AFF3: variants seen among roughly 807,000 people sequenced by gnomAD.
AFF3 encodes the protein ALF transcription elongation factor 3.
AFF3 carries 32 observed loss-of-function variants against 129.7 expected under a neutral mutation model. That is an observed-to-expected ratio of 0.25 (90% confidence interval 0.19 to 0.33). AFF3 has a LOEUF of 0.33. Ranked by LOEUF, AFF3 falls within the 10% of genes least tolerant of loss-of-function variation. AFF3 has a pLI of 1.00. For synonymous variants in AFF3, 644 were observed against 635.4 expected (o/e 1.01, Z -0.20); for missense variants, 1,373 against 1,592.0 (o/e 0.86, Z 2.34).
Position 99,587,156 on chromosome 2 carries a change from G to A in AFF3, c.2589C>T (p.Asn863=), listed in dbSNP as rs753958589. ...LSANHCNMNI[N]SVAIPINKNE... ...CACTTTGGAGGGAATGCACGTACCT[G>A]TTGATGTTCATGTTGCAGTGGTTTG... The change falls in exon 16 of 25, where the codon AAC becomes AAT. Residue 863 remains asparagine (N), a splice_region_variant and synonymous_variant. Coordinates refer to ENST00000672756, the MANE Select transcript of AFF3 (RefSeq NM_001386135.1). 4 of 1,614,122 alleles carry A rather than the reference G, an allele frequency of 2.5e-6. No homozygotes were observed. The South Asian group carries it at 4.4e-5, about 18-fold the overall frequency.
chr2:99,952,890 T>C (rs1205425157), intron 7 of AFF3, among the ~76,000 whole-genome samples: 1 of 152,202 alleles, frequency 6.6e-6, no homozygotes, highest in Non-Finnish European at 1.5e-5. Flanking sequence ...AGGTGAGTTG[T>C]TGAATCATCC....
chr2:99,658,992 C>T (rs1685997035), intron 12 of AFF3, among the ~76,000 whole-genome samples: 1 of 152,230 alleles, frequency 6.6e-6, no homozygotes, highest in Non-Finnish European at 1.5e-5. Context: ...AGACTAACTT[C>T]TCTTCTCAAG....
intron 13 of AFF3, among the ~76,000 whole-genome samples, chr2:99,643,889 G>A (rs1684448105): frequency 6.6e-6 from 1 of 152,314 alleles, no homozygotes; most frequent in African/African-American, 2.4e-5. Context: ...GCAACAAGGA[G>A]ATTGGATGTG....
At chr2:99,719,330 G>C (rs146948081) in intron 11 of AFF3, among the ~76,000 whole-genome samples, 1 of 152,024 alleles carries the variant, frequency 6.6e-6, no homozygotes, top group African/African-American at 2.4e-5. Flanking sequence ...ATTTTCATGC[G>C]TCACTGAATC....
rs550068107 is a variant in AFF3 at position 100,119,023 on chromosome 2, A to G, written c.-145+10201T>C. Among the ~76,000 whole-genome samples, 199 of 150,210 alleles carry G rather than the reference A, an allele frequency of 1.3e-3. 1 individual carries two copies. The highest frequency in any genetic ancestry group is 0.012 in the South Asian group (54 of 4,670). On this transcript the variant is annotated intron_variant, in intron 2 of 24. Coordinates refer to ENST00000672756, the MANE Select transcript of AFF3 (RefSeq NM_001386135.1). ...ACCATGTTGGCCATGCTGGTCATGAACCCCCTGACCTCAGGTGATCCGCAC... is the reference window on the plus strand; with the variant it reads ...ACCATGTTGGCCATGCTGGTCATGAGCCCCCTGACCTCAGGTGATCCGCAC...
intron 13 of AFF3, among the ~76,000 whole-genome samples, chr2:99,634,961 T>TCACACACACA (rs1480207163): frequency 1.7e-4 from 9 of 54,458 alleles, no homozygotes; most frequent in Admixed American, 1.0e-3. Context: ...CTGGATTCTG[T>TCACACACACA]CATACACACA....
rs1682011209 is a variant in AFF3, at chr2:100,006,767, A to G, written c.738T>C (p.Asp246=). The change falls in exon 7 of 25, where the codon GAT becomes GAC. Residue 246 remains aspartate, a synonymous_variant. Transcript: ENST00000672756. The stretch of plus-strand genomic sequence containing the variant: ...AAGACGACTTCAGCTTAGGAGACTC[A>G]TCAGGGGCCTGATCTTGGCCGTCCA... ...RPMDGQDQAP[D]ESPKLKSSSE... is the part of the protein sequence containing the mutation. 1 of 1,614,216 alleles carries G rather than the reference A, an allele frequency of 6.2e-7. No individual in the cohort carries two copies. The highest frequency in any genetic ancestry group is 8.5e-7 in the Non-Finnish European group (1 of 1,180,044).
rs928878658 is a variant in AFF3 at position 99,849,857 on chromosome 2, G to A, written c.874-12333C>T. On this transcript the variant is annotated intron_variant, in intron 7 of 24. Coordinates refer to ENST00000672756, the MANE Select transcript of AFF3 (RefSeq NM_001386135.1). ...GGTTGCTCATATAGCTGGACGGACT[G>A]GTAGCTAATTGAACAGCCATGCCTA... is the stretch of plus-strand genomic sequence containing the variant. Among the ~76,000 whole-genome samples the A allele has an allele frequency of 3.9e-5, 6 of 152,112 alleles. No homozygotes were observed. The East Asian group carries it at 5.8e-4, about 15-fold the overall frequency.
chr2:99,551,391 C>G lies in AFF3; in HGVS notation c.*83G>C. On this transcript the variant is annotated 3_prime_UTR_variant, in exon 25 of 25. Coordinates refer to ENST00000672756, the MANE Select transcript of AFF3 (RefSeq NM_001386135.1). Reference sequence around the variant, plus strand: ...CACCGCAGTCTGATAAATGCTGTGGCTGGGAGTTTCAGTAGCACAGTGTCC... The same window carrying G: ...CACCGCAGTCTGATAAATGCTGTGGGTGGGAGTTTCAGTAGCACAGTGTCC... 1 of 1,552,754 alleles carries G rather than the reference C, an allele frequency of 6.4e-7. No homozygotes were observed. The highest frequency in any genetic ancestry group is 2.3e-5 in the East Asian group (1 of 44,080).
At chr2:99,596,871 A>G (rs1424319790) in intron 14 of AFF3, among the ~76,000 whole-genome samples, 1 of 152,200 alleles carries the variant, frequency 6.6e-6, no homozygotes, top group African/African-American at 2.4e-5. Flanking sequence ...ACCCACTTTC[A>G]ACACATCACT....
Position 99,593,435 on chromosome 2 carries a change from G to A in AFF3, c.2226C>T (p.Phe742=), listed in dbSNP as rs763805501. 1 of 1,613,904 alleles carries A rather than the reference G, an allele frequency of 6.2e-7. No individual in the cohort carries two copies. The highest frequency in any genetic ancestry group is 8.5e-7 in the Non-Finnish European group (1 of 1,179,964). ...TCCGGCCAAAGGGGACCAGTGTGTA[G>A]AACTGCTCCTCCAGCTCCTTGGCGA... The part of the protein sequence containing the change: ...SDIAKELEEQ[F]YTLVPFGRNE... The change falls in exon 15 of 25, where the codon TTC becomes TTT. Residue 742 remains phenylalanine (F), a synonymous_variant. Transcript: ENST00000672756.
At chr2:99,774,102 A>G (rs1320345203) in intron 8 of AFF3, among the ~76,000 whole-genome samples, 1 of 152,230 alleles carries the variant, frequency 6.6e-6, no homozygotes, top group African/African-American at 2.4e-5. Flanking sequence ...AAACAAATGG[A>G]AAAACATTCC....
intron 10 of AFF3, among the ~76,000 whole-genome samples, chr2:99,735,648 A>G (rs985913907): frequency 6.6e-6 from 1 of 151,992 alleles, no homozygotes; most frequent in African/African-American, 2.4e-5. Flanking sequence ...GCCTGCCACC[A>G]CACCCAGCTA....
intron 8 of AFF3, among the ~76,000 whole-genome samples, chr2:99,834,575 C>T (rs1688728762): frequency 6.6e-6 from 1 of 152,154 alleles, no homozygotes; most frequent in African/African-American, 2.4e-5. Flanking sequence ...GGCTTCTGCC[C>T]CCTCTACTCC....
At chr2:100,032,164 C>T (rs1312552746) in intron 4 of AFF3, among the ~76,000 whole-genome samples, 2 of 152,216 alleles carry the variant, frequency 1.3e-5, no homozygotes, top group African/African-American at 2.4e-5. Context: ...TGGTGGCTCA[C>T]GCCTGTAATC....
chr2:99,997,982 C>T (rs1378304455), intron 7 of AFF3, among the ~76,000 whole-genome samples: 1 of 152,056 alleles, frequency 6.6e-6, no homozygotes, highest in Non-Finnish European at 1.5e-5. Context: ...CTTTCCCCTG[C>T]TCTGCTTTTT....
intron 8 of AFF3, among the ~76,000 whole-genome samples, chr2:99,812,467 A>T (rs1686867479): frequency 6.6e-6 from 1 of 152,138 alleles, no homozygotes; most frequent in South Asian, 2.1e-4. Context: ...TGGAGATAAG[A>T]CTTTCCCCAG....
intron 18 of AFF3, among the ~76,000 whole-genome samples, chr2:99,573,276 C>A (rs1269331809): frequency 6.6e-6 from 1 of 151,414 alleles, no homozygotes; most frequent in Admixed American, 6.6e-5. Context: ...CTCTCTCTCT[C>A]ACTCACTCTT....
rs545407859 is a variant in AFF3 at position 99,969,664 on chromosome 2, T to C, written c.873+36968A>G. Among the ~76,000 whole-genome samples the C allele has an allele frequency of 5.4e-4, 82 of 151,962 alleles. 1 individual carries two copies. The highest frequency in any genetic ancestry group is 1.9e-3 in the African/African-American group (80 of 41,438). On this transcript the variant is annotated intron_variant, in intron 7 of 24. Coordinates refer to ENST00000672756, the MANE Select transcript of AFF3 (RefSeq NM_001386135.1). ...CCACCCCACCCAGGTTTTGTTGTTG[T>C]TGTTGTTGTTGTTGTTTTAGTAGAG...
Sources: allele counts gnomAD v4.1 joint callset (sites outside exome capture counted in the v4.1 genomes callset), GRCh38; gene constraint gnomAD v4.1.1; transcripts MANE v1.5; gene names NCBI Gene and HGNC (gene_info 2026-07-23, HGNC 2026-07-21).